Variants in OTUD7A observed in about 807,000 individuals in gnomAD.
OTUD7A encodes OTU deubiquitinase 7A.
OTUD7A carries 12 observed loss-of-function variants against 65.7 expected under a neutral mutation model. That is an observed-to-expected ratio of 0.18 (90% CI 0.12 to 0.30). The LOEUF (loss-of-function observed/expected upper bound fraction) is 0.30, where lower values mean the gene tolerates loss of function less well. OTUD7A is among the 10% of genes least tolerant of loss of function. The pLI, the probability that OTUD7A is intolerant of heterozygous loss-of-function variation, is 1.00. For synonymous variants in OTUD7A, 641 were observed against 586.3 expected, an observed-to-expected ratio of 1.09 and a Z score of -1.35; for missense variants, 1,148 against 1,304.8, an observed-to-expected ratio of 0.88 and a Z score of 1.85.
intron 3 of OTUD7A, among the ~76,000 whole-genome samples, chr15:31,595,140 C>T (rs1889864577): frequency 6.6e-6 from 1 of 152,142 alleles, no homozygotes; most frequent in Non-Finnish European, 1.5e-5. Context: ...TCAAACTGTG[C>T]CCTGGGCCTG....
chr15:31,804,335 T>C (rs1196012477), intron 1 of OTUD7A, among the ~76,000 whole-genome samples: 1 of 152,156 alleles, frequency 6.6e-6, no homozygotes, highest in Non-Finnish European at 1.5e-5. Context: ...ATGGAGTGCC[T>C]ACTTTTATGG....
At position 31,742,557 on chromosome 15, in the gene OTUD7A, C is replaced by T. The variant is rs561032335; in HGVS notation, c.-99-85480G>A. On this transcript the variant is annotated intron_variant, in intron 1 of 12. Coordinates refer to ENST00000307050, the MANE Select transcript of OTUD7A (RefSeq NM_001382637.1). ...AACATTGTTCATATTTGTAACATGT[C>T]AAAAGCTTTTCCTACCACAGAAAAA... is the stretch of plus-strand genomic sequence containing the variant. Among the ~76,000 whole-genome samples, 9 of 152,204 alleles carry T rather than the reference C, an allele frequency of 5.9e-5. No individual in the cohort carries two copies. In the South Asian group the frequency reaches 1.9e-3, roughly 32 times the overall value.
intron 1 of OTUD7A, among the ~76,000 whole-genome samples, chr15:31,685,828 G>C (rs895204212): frequency 2.6e-5 from 4 of 152,180 alleles, no homozygotes; most frequent in African/African-American, 9.7e-5. Flanking sequence ...ATGGACATAG[G>C]GAATTCAGCA....
In OTUD7A at chr15:31,483,827, G is replaced by C. The variant is rs1595548068; in HGVS notation, c.2269C>G (p.Arg757Gly). ...ACTGGTCCGCTGGCGCTCGCACGCC[G>C]CGCGCCTCCCCCCGGGGAGGCCGTG... is the stretch of plus-strand genomic sequence containing the variant. ...GGTASPGGGA[R>G]RASASGPVPG... The change falls in exon 13 of 13, where the codon CGG becomes GGG. Residue 757 changes from arginine (R) to glycine (G), a missense_variant. Coordinates refer to ENST00000307050, the MANE Select transcript of OTUD7A (RefSeq NM_001382637.1). 4.0e-6 allele frequency: 4 copies of C among 990,766 alleles called. No individual in the cohort carries two copies. The highest frequency in any genetic ancestry group is 1.1e-4 in the East Asian group (1 of 9,058). The allele number at this position is 990,766 out of a possible 1,614,324, so 61.4% of individuals were successfully genotyped here. A position where few individuals can be genotyped will look rare whatever the true frequency, so the allele number is the denominator to read the frequency against.
chr15:31,620,069 T>C (rs926256501), intron 3 of OTUD7A, among the ~76,000 whole-genome samples: 1 of 152,210 alleles, frequency 6.6e-6, no homozygotes, highest in Non-Finnish European at 1.5e-5. Flanking sequence ...TGGATTACAT[T>C]TATTGATTTG....
chr15:31,863,544 C>T (rs1447441785), intron 1 of OTUD7A, among the ~76,000 whole-genome samples: 1 of 152,216 alleles, frequency 6.6e-6, no homozygotes, highest in Admixed American at 6.5e-5. Context: ...AGGCTTCCAC[C>T]CTCTGAAGTC....
intron 1 of OTUD7A, among the ~76,000 whole-genome samples, chr15:31,830,685 C>A (rs900901356): frequency 3.3e-5 from 5 of 152,194 alleles, no homozygotes; most frequent in African/African-American, 1.2e-4. Context: ...GGTGATAGTA[C>A]ACAAAGATGT....
At chr15:31,835,608 C>T (rs1897035078) in intron 1 of OTUD7A, among the ~76,000 whole-genome samples, 1 of 152,144 alleles carries the variant, frequency 6.6e-6, no homozygotes, top group Admixed American at 6.5e-5. Flanking sequence ...CTCCAAACTG[C>T]CCTATTGTTT....
intron 1 of OTUD7A, among the ~76,000 whole-genome samples, chr15:31,825,199 T>C (rs1376524574): frequency 6.6e-6 from 1 of 152,244 alleles, no homozygotes; most frequent in Non-Finnish European, 1.5e-5. Flanking sequence ...GCTTACTTTA[T>C]TAGTCCATTT....
In OTUD7A at chr15:31,476,951, G is replaced by A. The variant is rs1045163748; in HGVS notation, c.*6343C>T. ...GACCCACGCCTCCCCTGCTGTGGGT[G>A]AGGCCACCTGCCAGCACTGGAGGGC... On this transcript the variant is annotated 3_prime_UTR_variant, in exon 13 of 13. Coordinates refer to ENST00000307050, the MANE Select transcript of OTUD7A (RefSeq NM_001382637.1). The A allele has an allele frequency of 2.1e-4, 32 of 152,438 alleles. No homozygotes were observed. The highest frequency in any genetic ancestry group is 7.0e-4 in the African/African-American group (29 of 41,604). The allele number at this position is 152,438 out of a possible 1,614,324, so 9.4% of individuals were successfully genotyped here.
At chr15:31,504,583 C>T (rs1157960713) in intron 8 of OTUD7A, among the ~76,000 whole-genome samples, 2 of 152,258 alleles carry the variant, frequency 1.3e-5, no homozygotes, top group Non-Finnish European at 2.9e-5. Context: ...TATGGAGCCT[C>T]GGCTGCACCT....
intron 1 of OTUD7A, chr15:31,766,318 G>T: frequency 1.9e-6 from 3 of 1,605,100 alleles, no homozygotes; most frequent in Non-Finnish European, 2.6e-6. Flanking sequence ...GAAATCATAC[G>T]CATTAAAAGT....
intron 1 of OTUD7A, among the ~76,000 whole-genome samples, chr15:31,749,787 A>G (rs954328702): frequency 1.3e-5 from 2 of 152,172 alleles, no homozygotes; most frequent in African/African-American, 4.8e-5. Context: ...CTCTTCGTGA[A>G]TGACATAATT....
At chr15:31,572,651 G>A (rs1889087653) in intron 3 of OTUD7A, among the ~76,000 whole-genome samples, 1 of 152,082 alleles carries the variant, frequency 6.6e-6, no homozygotes, top group East Asian at 1.9e-4. Flanking sequence ...AAGTATCACA[G>A]CTCTGAAGAA....
intron 1 of OTUD7A, among the ~76,000 whole-genome samples, chr15:31,797,834 G>T (rs898419597): frequency 6.6e-6 from 1 of 152,220 alleles, no homozygotes; most frequent in South Asian, 2.1e-4. Context: ...GTTATGGAAC[G>T]TTGTATTAGT....
rs1372505304 is a variant in OTUD7A at position 31,509,801 on chromosome 15, T to C, written c.894-5983A>G. 2.0e-5 allele frequency among the ~76,000 whole-genome samples: 3 copies of C among 151,960 alleles called. No individual in the cohort carries two copies. The East Asian group carries it at 5.8e-4, about 29-fold the overall frequency. On this transcript the variant is annotated intron_variant, in intron 8 of 12. Coordinates refer to ENST00000307050, the MANE Select transcript of OTUD7A (RefSeq NM_001382637.1). ...TTTTTTTATAACTTTTTATGACTTT[T>C]ATAGACAATTTTTAACATGTTTTAA... is the stretch of plus-strand genomic sequence containing the variant.
intron 1 of OTUD7A, among the ~76,000 whole-genome samples, chr15:31,746,349 AC>A (rs1183037458): frequency 6.6e-6 from 1 of 152,166 alleles, no homozygotes; most frequent in Non-Finnish European, 1.5e-5. Context: ...ACATACACAC[AC>A]CACATACACA....
At chr15:31,794,668 C>T (rs1432816377) in intron 1 of OTUD7A, among the ~76,000 whole-genome samples, 1 of 151,070 alleles carries the variant, frequency 6.6e-6, no homozygotes, top group East Asian at 1.9e-4. Flanking sequence ...ATGGGACTTA[C>T]ATTTGAGTGA....
intron 1 of OTUD7A, among the ~76,000 whole-genome samples, chr15:31,816,689 A>G (rs1012334830): frequency 4.9e-4 from 74 of 150,458 alleles, no homozygotes; most frequent in African/African-American, 1.7e-3. Context: ...CTCCGTCTCA[A>G]AAAAAAAAAA....
Sources: gnomAD v4.1 joint callset for allele counts (sites outside exome capture counted in the v4.1 genomes callset) on GRCh38, gnomAD v4.1.1 for gene constraint, MANE v1.5 for transcripts, NCBI Gene and HGNC (gene_info 2026-07-23, HGNC 2026-07-21) for gene names.